The following RBMS3 variants were observed in gnomAD, a reference collection of about 807,000 sequenced individuals.
RBMS3 encodes the protein RNA-binding motif, single-stranded-interacting protein 3.
RBMS3 carries 27 observed loss-of-function variants against 66.8 expected under a neutral mutation model. The observed-to-expected ratio is 0.40, with a 90% CI of 0.30 to 0.56. RBMS3 has a LOEUF of 0.56. Among genes scored for constraint, RBMS3 ranks in the 20% least tolerant of loss-of-function variants. The pLI, the probability that RBMS3 is intolerant of heterozygous loss-of-function variation, is 0.40. For synonymous variants in RBMS3, 188 were observed against 183.0 expected (o/e 1.03, Z -0.22); for missense variants, 513 against 549.5 (o/e 0.93, Z 0.66).
chr3:29,387,083 T>G (rs2039042864), intron 1 of RBMS3, among the ~76,000 whole-genome samples: 1 of 152,214 alleles, frequency 6.6e-6, no homozygotes, highest in South Asian at 2.1e-4. Flanking sequence ...ATTCTGGCGC[T>G]TAGTCCTTGG....
At chr3:29,907,239 A>G (rs1437578410) in intron 10 of RBMS3, among the ~76,000 whole-genome samples, 1 of 152,096 alleles carries the variant, frequency 6.6e-6, no homozygotes, top group Non-Finnish European at 1.5e-5. Flanking sequence ...GTAACCAGCT[A>G]TCTTTCTGAA....
chr3:29,530,125 T>A (rs536115886), intron 3 of RBMS3, among the ~76,000 whole-genome samples: 1 of 152,326 alleles, frequency 6.6e-6, no homozygotes, highest in East Asian at 1.9e-4. Context: ...AAGCCTTTTT[T>A]ACCCCAATAC....
Position 29,851,840 on chromosome 3 carries a change from C to T in RBMS3, c.638-17018C>T, listed in dbSNP as rs550974800. On this transcript the variant is annotated intron_variant, in intron 6 of 14. Transcript: ENST00000383767. ...AACTAGAAAAAACTATTTTAAGATG[C>T]ATGTGTAACTAAAAAAGAACACGAA... Among the ~76,000 whole-genome samples the T allele has an allele frequency of 2.0e-5, 3 of 152,230 alleles. No individual in the cohort carries two copies. In the South Asian group the frequency reaches 6.2e-4, roughly 32 times the overall value.
At chr3:29,771,808 G>A (rs1396413222) in intron 6 of RBMS3, among the ~76,000 whole-genome samples, 1 of 151,958 alleles carries the variant, frequency 6.6e-6, no homozygotes, top group Non-Finnish European at 1.5e-5. Context: ...TGGTGCAGGA[G>A]GAAGAGAGTG....
chr3:29,639,917 C>T (rs535193637), intron 4 of RBMS3, among the ~76,000 whole-genome samples: 9 of 151,604 alleles, frequency 5.9e-5, no homozygotes, highest in South Asian at 2.1e-4. Flanking sequence ...ATTCAGATGA[C>T]GGGGAGATAT....
intron 10 of RBMS3, among the ~76,000 whole-genome samples, chr3:29,922,766 G>A (rs2060827227): frequency 6.6e-6 from 1 of 152,032 alleles, no homozygotes; most frequent in Non-Finnish European, 1.5e-5. Flanking sequence ...ATCAATTTTT[G>A]TTTCTAAAAA....
At chr3:29,647,064 ACCT>A (rs1005686579) in intron 4 of RBMS3, among the ~76,000 whole-genome samples, 1 of 151,648 alleles carries the variant, frequency 6.6e-6, no homozygotes, top group African/African-American at 2.4e-5. Context: ...TGCAACCTCC[ACCT>A]CCCAGGTTCA....
intron 2 of RBMS3, among the ~76,000 whole-genome samples, chr3:29,444,564 C>T (rs985362390): frequency 6.6e-6 from 1 of 151,692 alleles, no homozygotes; most frequent in African/African-American, 2.4e-5. Context: ...ACCACAGCAG[C>T]TGAAAGAAGA....
intron 3 of RBMS3, among the ~76,000 whole-genome samples, chr3:29,569,891 T>C (rs950337983): frequency 6.6e-6 from 1 of 152,128 alleles, no homozygotes; most frequent in Non-Finnish European, 1.5e-5. Context: ...CTCAGAAATC[T>C]TTCAGAAAGG....
At chr3:29,863,949 G>A (rs2059281647) in intron 6 of RBMS3, among the ~76,000 whole-genome samples, 1 of 152,110 alleles carries the variant, frequency 6.6e-6, no homozygotes, top group African/African-American at 2.4e-5. Context: ...TAATACAAAT[G>A]TTTAAATAAG....
intron 4 of RBMS3, among the ~76,000 whole-genome samples, chr3:29,608,732 A>G (rs1269840389): frequency 2.0e-5 from 3 of 152,050 alleles, no homozygotes; most frequent in Non-Finnish European, 4.4e-5. Context: ...TAGGGAAAGT[A>G]TAGCTTAATT....
intron 5 of RBMS3, among the ~76,000 whole-genome samples, chr3:29,756,966 A>G (rs1260584873): frequency 6.6e-6 from 1 of 152,168 alleles, no homozygotes; most frequent in Non-Finnish European, 1.5e-5. Context: ...GGATTTTTAT[A>G]TAGGTTTCAT....
At chr3:29,882,517 C>T (rs1315083758) in intron 7 of RBMS3, among the ~76,000 whole-genome samples, 1 of 152,028 alleles carries the variant, frequency 6.6e-6, no homozygotes. Context: ...ATTCTGTTTG[C>T]AAACTCCGTT....
At position 29,281,474 on chromosome 3, in the gene RBMS3, C is replaced by CTT. The variant is rs2031771791; in HGVS notation, c.-208_-207insTT. The CTT allele has an allele frequency of 1.4e-5, 6 of 425,280 alleles. No homozygotes were observed. The highest frequency in any genetic ancestry group is 2.4e-5 in the Non-Finnish European group (6 of 250,778). 26.3% of individuals were successfully genotyped at this position (425,280 alleles called of 1,614,324 possible). A position where few individuals can be genotyped will look rare whatever the true frequency, so the allele number is the denominator to read the frequency against. On this transcript the variant is annotated 5_prime_UTR_variant, in exon 1 of 15. Coordinates refer to ENST00000383767, the MANE Select transcript of RBMS3 (RefSeq NM_001003793.3). ...TTTTTCTACAGATCTCACTCCTCGC[C>CTT]CTTTTTTTTTTTCCTTTGGTGTGTG...
At chr3:29,637,376 A>G (rs1047010370) in intron 4 of RBMS3, among the ~76,000 whole-genome samples, 5 of 151,876 alleles carry the variant, frequency 3.3e-5, no homozygotes, top group Non-Finnish European at 7.4e-5. Flanking sequence ...GCAGCAGCCA[A>G]GTTAATTTGG....
At chr3:29,612,515 T>C (rs527809308) in intron 4 of RBMS3, among the ~76,000 whole-genome samples, 35 of 152,202 alleles carry the variant, frequency 2.3e-4, no homozygotes, top group African/African-American at 7.5e-4. Context: ...GTAGGATAAA[T>C]GCATAGAGGT....
intron 6 of RBMS3, among the ~76,000 whole-genome samples, chr3:29,773,809 T>C (rs2056317758): frequency 6.6e-6 from 1 of 152,022 alleles, no homozygotes; most frequent in Non-Finnish European, 1.5e-5. Flanking sequence ...AATATCCCAG[T>C]TCTTCTGCTT....
chr3:29,777,926 C>G (rs950776977), intron 6 of RBMS3, among the ~76,000 whole-genome samples: 2 of 151,798 alleles, frequency 1.3e-5, no homozygotes, highest in Admixed American at 1.3e-4. Flanking sequence ...GCCTGTGCCA[C>G]CAGGAGAATG....
chr3:29,428,145 G>A (rs572125521), intron 1 of RBMS3, among the ~76,000 whole-genome samples: 8 of 152,150 alleles, frequency 5.3e-5, no homozygotes, highest in East Asian at 1.9e-4. Context: ...TCTGTGAGGG[G>A]TACTGTACTG....
Sources: allele counts gnomAD v4.1 joint callset (sites outside exome capture counted in the v4.1 genomes callset), GRCh38; gene constraint gnomAD v4.1.1; transcripts MANE v1.5; gene names NCBI Gene and HGNC (gene_info 2026-07-23, HGNC 2026-07-21).